SLC18A2: variants seen among roughly 807,000 people sequenced by gnomAD.
SLC18A2 encodes synaptic vesicular amine transporter.
Under a neutral mutation model 59.2 loss-of-function variants are expected in SLC18A2, and 33 were observed. That is an observed-to-expected ratio of 0.56 (90% confidence interval 0.42 to 0.75). SLC18A2 has a LOEUF of 0.75. Ranked by LOEUF, SLC18A2 falls within the 30% of genes least tolerant of loss-of-function variation. The pLI is 0.00. For missense variants in SLC18A2, 569 were observed against 668.6 expected, an observed-to-expected ratio of 0.85 and a Z score of 1.64; for synonymous variants, 228 against 253.5, an observed-to-expected ratio of 0.90 and a Z score of 0.95.
At chr10:117,243,941 A>G (rs1400261215) in intron 2 of SLC18A2, 30 bp from the exon 3 acceptor site, 2 of 1,574,092 alleles carry the variant, frequency 1.3e-6, no homozygotes, top group Non-Finnish European at 1.7e-6. Context: ...CAGTGTGATC[A>G]CCACCTTGCC....
chr10:117,274,436 T>C (rs1844461762), intron 15 of SLC18A2, among the ~76,000 whole-genome samples: 1 of 152,190 alleles, frequency 6.6e-6, no homozygotes. Flanking sequence ...TAAGATGACA[T>C]ATTCCTACAT....
At chr10:117,253,364 A>T (rs1565003438) in intron 3 of SLC18A2, 35 bp from the exon 4 acceptor site, 2 of 1,527,312 alleles carry the variant, frequency 1.3e-6, no homozygotes, top group Non-Finnish European at 1.8e-6. Flanking sequence ...AATAGCCTGC[A>T]GTCACCAGAT....
At chr10:117,267,240 TA>T in intron 12 of SLC18A2, 1 of 559,930 alleles carries the variant, frequency 1.8e-6, no homozygotes, top group South Asian at 2.5e-5. Flanking sequence ...AGAAATTATT[TA>T]AAATGTTTTA....
intron 3 of SLC18A2, among the ~76,000 whole-genome samples, chr10:117,246,155 G>C (rs909626453): frequency 6.6e-6 from 1 of 152,130 alleles, no homozygotes; most frequent in African/African-American, 2.4e-5. Flanking sequence ...TCAGGGTTTT[G>C]TATTCTGAGA....
intron 14 of SLC18A2, 28 bp downstream of exon 14, chr10:117,270,218 CT>C: frequency 6.2e-7 from 1 of 1,613,932 alleles, no homozygotes; most frequent in African/African-American, 1.3e-5. Flanking sequence ...TCATAAGAAC[CT>C]TTTACCTCAA....
At chr10:117,273,203 G>GT (rs1361587271) in intron 15 of SLC18A2, among the ~76,000 whole-genome samples, 2 of 152,128 alleles carry the variant, frequency 1.3e-5, no homozygotes, top group Admixed American at 6.5e-5. Context: ...CTGGATTTCT[G>GT]TTTTTTATAA....
In SLC18A2 at chr10:117,255,613, C is replaced by T; in HGVS notation, c.851C>T (p.Pro284Leu). 1.9e-6 allele frequency: 3 copies of T among 1,613,912 alleles called. No individual in the cohort carries two copies. In the South Asian group the frequency reaches 3.3e-5, roughly 18 times the overall value. Residue 284 changes from proline (P) to leucine (L), a missense_variant, in exon 9 of 16, where the codon CCC becomes CTC. Coordinates refer to ENST00000644641, the MANE Select transcript of SLC18A2 (RefSeq NM_003054.6). ...TCTTGACAGAGTCAGAAGGGGACAC[C>T]CCTAACCACGCTGCTGAAGGACCCG... ...RVQPESQKGT[P>L]LTTLLKDPYI...
chr10:117,258,756 A>G (rs941436848), intron 10 of SLC18A2, among the ~76,000 whole-genome samples: 2 of 126,304 alleles, frequency 1.6e-5, no homozygotes, highest in East Asian at 2.3e-4. Context: ...ATATGTGTAC[A>G]CCCCCGACTC....
At chr10:117,276,875 C>T (rs1405627609) in intron 15 of SLC18A2, among the ~76,000 whole-genome samples, 1 of 152,110 alleles carries the variant, frequency 6.6e-6, no homozygotes, top group Non-Finnish European at 1.5e-5. Context: ...CCTAACCTGC[C>T]TGTCCCTTGC....
rs554290916 is a variant in SLC18A2 at position 117,244,820 on chromosome 10, C to T, written c.464+507C>T. On this transcript the variant is annotated intron_variant, in intron 3 of 15. Transcript: ENST00000644641. Reference sequence around the variant, plus strand: ...TGGGAAAAGGTTGGACGCACTGGTGCGCAGATGGAGCTCCGAGTTGATGCC... The same window carrying T: ...TGGGAAAAGGTTGGACGCACTGGTGTGCAGATGGAGCTCCGAGTTGATGCC... Among the ~76,000 whole-genome samples the T allele has an allele frequency of 1.4e-4, 21 of 152,324 alleles. No homozygotes were observed. In the South Asian group the frequency reaches 3.5e-3, roughly 26 times the overall value.
intron 15 of SLC18A2, among the ~76,000 whole-genome samples, chr10:117,276,656 G>T (rs1436238691): frequency 3.7e-5 from 2 of 53,478 alleles, no homozygotes; most frequent in Non-Finnish European, 4.6e-5. Flanking sequence ...GAAAGAAAAA[G>T]ATACCAGAAC....
chr10:117,268,090 A>C (rs1186294272), intron 13 of SLC18A2: 1 of 212,790 alleles, frequency 4.7e-6, no homozygotes, highest in Non-Finnish European at 9.6e-6. Context: ...CAAAGGCTTC[A>C]CATATGTATT....
At chr10:117,248,692 T>C (rs1844133755) in intron 3 of SLC18A2, among the ~76,000 whole-genome samples, 1 of 152,226 alleles carries the variant, frequency 6.6e-6, no homozygotes, top group Non-Finnish European at 1.5e-5. Flanking sequence ...TCCAGGCACA[T>C]GAACAATGGG....
intron 9 of SLC18A2, 34 bp downstream of exon 9, chr10:117,255,691 T>TGCGA: frequency 5.0e-6 from 8 of 1,600,448 alleles, no homozygotes; most frequent in Non-Finnish European, 6.0e-6. Context: ...GTCAGGGGAA[T>TGCGA]GCGAGGTGAT....
intron 6 of SLC18A2, among the ~76,000 whole-genome samples, chr10:117,254,922 C>T (rs1392655715): frequency 6.6e-6 from 1 of 152,256 alleles, no homozygotes; most frequent in Non-Finnish European, 1.5e-5. Context: ...TTCCGATTTC[C>T]CGCCTGCTTC....
At chr10:117,274,079 C>T (rs1022139156) in intron 15 of SLC18A2, among the ~76,000 whole-genome samples, 9 of 152,352 alleles carry the variant, frequency 5.9e-5, no homozygotes, top group African/African-American at 2.2e-4. Context: ...GGGCACCTGA[C>T]TGACCTGCTT....
intron 10 of SLC18A2, among the ~76,000 whole-genome samples, chr10:117,260,507 G>A (rs1471917915): frequency 6.6e-6 from 1 of 152,124 alleles, no homozygotes; most frequent in Non-Finnish European, 1.5e-5. Flanking sequence ...GGCGGAAGGG[G>A]GCATAGGCTG....
In SLC18A2 at chr10:117,278,402, T is replaced by TA. The variant is rs1844530296; in HGVS notation, c.*1141dup. 2.0e-5 allele frequency: 3 copies of TA among 152,200 alleles called. No individual in the cohort carries two copies. The highest frequency in any genetic ancestry group is 2.0e-4 in the Admixed American group (3 of 15,278). 9.4% of individuals were successfully genotyped at this position (152,200 alleles called of 1,614,324 possible). A position where few individuals can be genotyped will look rare whatever the true frequency, so the allele number is the denominator to read the frequency against. ...AGGCAGAAAAGAAAAATGGAACATCTAAAAATGTATGTGCTAACTATATCA... is the reference window on the plus strand; with the variant it reads ...AGGCAGAAAAGAAAAATGGAACATCTAAAAAATGTATGTGCTAACTATATCA... On this transcript the variant is annotated 3_prime_UTR_variant, in exon 16 of 16. Coordinates refer to ENST00000644641, the MANE Select transcript of SLC18A2 (RefSeq NM_003054.6).
intron 15 of SLC18A2, among the ~76,000 whole-genome samples, chr10:117,270,994 T>A (rs1388436690): frequency 1.3e-5 from 2 of 152,242 alleles, no homozygotes; most frequent in Non-Finnish European, 2.9e-5. Flanking sequence ...CATAACTTTA[T>A]GACCAAAATT....
Sources: allele counts gnomAD v4.1 joint callset (sites outside exome capture counted in the v4.1 genomes callset), GRCh38; gene constraint gnomAD v4.1.1; transcripts MANE v1.5; gene names NCBI Gene and HGNC (gene_info 2026-07-23, HGNC 2026-07-21).